The following PHC2 variants were observed in gnomAD, a reference collection of about 807,000 sequenced individuals.
PHC2 encodes the protein polyhomeotic homolog 2.
Under a neutral mutation model 87.4 loss-of-function variants are expected in PHC2, and 29 were observed. The ratio of observed to expected loss-of-function variants is 0.33; its 90% confidence interval spans 0.25 to 0.45. The LOEUF (loss-of-function observed/expected upper bound fraction) is 0.45. PHC2 is among the 20% of genes least tolerant of loss of function. The probability of loss-of-function intolerance (pLI) is 1.00; values close to 1 mark genes in which losing one functional copy is unlikely to be tolerated. For missense variants in PHC2, 857 were observed against 1,136.7 expected, an observed-to-expected ratio of 0.75 and a Z score of 3.54; for synonymous variants, 438 against 461.7, an observed-to-expected ratio of 0.95 and a Z score of 0.66.
At chr1:33,352,901 G>A (rs149640465) in intron 9 of PHC2, among the ~76,000 whole-genome samples, 42 of 152,282 alleles carry the variant, frequency 2.8e-4, no homozygotes, top group African/African-American at 9.4e-4. Flanking sequence ...ATAATGGGGC[G>A]ATTCTACTTA....
At chr1:33,363,551 A>AG (rs1453285553) in intron 7 of PHC2, among the ~76,000 whole-genome samples, 1 of 152,192 alleles carries the variant, frequency 6.6e-6, no homozygotes, top group African/African-American at 2.4e-5. Context: ...GTTCAAACAA[A>AG]GCAGCTGTGT....
rs116818513 is a variant in PHC2, at chr1:33,342,525, C to A, written c.1559-8233G>T. Among the ~76,000 whole-genome samples, 38 of 146,944 alleles carry A rather than the reference C, an allele frequency of 2.6e-4. No individual in the cohort carries two copies. The East Asian group carries it at 4.7e-3, about 18-fold the overall frequency. ...ATGGAGCGAACAGCCACCCTCCCCC[C>A]ACCCCATGCAGTTCAGGACAACGGG... On this transcript the variant is annotated intron_variant, in intron 9 of 14. Coordinates refer to ENST00000683057, the MANE Select transcript of PHC2 (RefSeq NM_001385109.1).
intron 1 of PHC2, among the ~76,000 whole-genome samples, chr1:33,380,286 C>A (rs1414105777): frequency 1.3e-5 from 2 of 152,198 alleles, no homozygotes; most frequent in African/African-American, 4.8e-5. Flanking sequence ...TTTCTCATTA[C>A]CCAAAACAGA....
intron 1 of PHC2, among the ~76,000 whole-genome samples, chr1:33,409,180 T>G (rs1192300902): frequency 6.6e-6 from 1 of 152,198 alleles, no homozygotes; most frequent in African/African-American, 2.4e-5. Flanking sequence ...AACCCAGTAA[T>G]TCCATGTTTA....
At chr1:33,335,085 TC>T (rs1377239518) in intron 9 of PHC2, 2 of 504,254 alleles carry the variant, frequency 4.0e-6, no homozygotes, top group African/African-American at 4.2e-5. Flanking sequence ...GGACAACCTT[TC>T]CTAATTCTCC....
intron 1 of PHC2, among the ~76,000 whole-genome samples, chr1:33,389,201 C>T (rs1334749226): frequency 1.3e-5 from 2 of 152,010 alleles, no homozygotes; most frequent in East Asian, 1.9e-4. Flanking sequence ...GCGAAAGAGA[C>T]GAAGCTAGTT....
chr1:33,370,846 C>G (rs1043619003), intron 4 of PHC2, among the ~76,000 whole-genome samples, 171 bp downstream of exon 4: 2 of 152,062 alleles, frequency 1.3e-5, no homozygotes, highest in Non-Finnish European at 2.9e-5. Context: ...CAGGGAGTTA[C>G]TAACCTAAAG....
chr1:33,362,505 G>A (rs1206352970), intron 7 of PHC2, among the ~76,000 whole-genome samples: 1 of 152,190 alleles, frequency 6.6e-6, no homozygotes, highest in Non-Finnish European at 1.5e-5. Context: ...GACAGGGATG[G>A]ATGTGTATTA....
intron 1 of PHC2, among the ~76,000 whole-genome samples, chr1:33,383,587 G>A (rs979996787): frequency 3.9e-5 from 6 of 152,220 alleles, no homozygotes; most frequent in Admixed American, 3.9e-4. Context: ...AGAAGGATTT[G>A]CTGTCTTTTG....
chr1:33,330,283 A>G lies in PHC2; in HGVS notation c.2007-71T>C. The G allele has an allele frequency of 1.9e-6, 3 of 1,552,304 alleles. No homozygotes were observed. The South Asian group carries it at 3.4e-5, about 17-fold the overall frequency. ...TATGGGCCGTAGGCAGAATGAGCAC[A>G]GCCAAGCTGTCTGACAAATTTTGAG... On this transcript the variant is annotated intron_variant, in intron 12 of 14. Transcript: ENST00000683057.
intron 1 of PHC2, among the ~76,000 whole-genome samples, chr1:33,412,404 G>A (rs1650019238): frequency 6.6e-6 from 1 of 152,150 alleles, no homozygotes; most frequent in Admixed American, 6.5e-5. Flanking sequence ...ACACACACAC[G>A]TGCGTGCGCG....
intron 1 of PHC2, among the ~76,000 whole-genome samples, 166 bp downstream of exon 1, chr1:33,430,810 C>T (rs1355359358): frequency 6.7e-6 from 1 of 150,254 alleles, no homozygotes; most frequent in Non-Finnish European, 1.5e-5. Flanking sequence ...CTGTCCGTGC[C>T]CATGGCAATG....
Position 33,355,143 on chromosome 1 carries a change from G to A in PHC2, c.1087C>T (p.Pro363Ser). ...TGGAGCACAGGCCGTGACTGCTGGG[G>A]CGGCGGCTGCTGCTGTTGTGGCTGT... ...QPQPQQQQPP[P>S]QQSRPVLQAE... The change falls in exon 8 of 15, where the codon CCC becomes TCC. Residue 363 changes from proline to serine, a missense_variant. Transcript: ENST00000683057. 6.2e-7 allele frequency: 1 copy of A among 1,611,254 alleles called. No individual in the cohort carries two copies. Among genetic ancestry groups the A allele is most frequent in the South Asian group, 1.1e-5 (1 of 90,872 alleles).
Position 33,332,155 on chromosome 1 carries a change from G to A in PHC2, c.1891+120C>T, listed in dbSNP as rs1646513994. 1 of 1,121,434 alleles carries A rather than the reference G, an allele frequency of 8.9e-7. No individual in the cohort carries two copies. Among genetic ancestry groups the A allele is most frequent in the Non-Finnish European group, 1.3e-6 (1 of 768,394 alleles). 69.5% of individuals were successfully genotyped at this position (1,121,434 alleles called of 1,614,324 possible). ...GAAGGAGGCTGAGGAGGTGCTGGGG[G>A]AAATGTTTACAGACTCGCTGGCTCA... On this transcript the variant is annotated intron_variant, in intron 11 of 14. Transcript: ENST00000683057. The surrounding 1 kb of genome is among the most constrained non-coding windows in gnomAD (Gnocchi z 4.2).
chr1:33,367,044 G>T, intron 7 of PHC2, 72 bp downstream of exon 7: 1 of 1,303,498 alleles, frequency 7.7e-7, no homozygotes, highest in Non-Finnish European at 1.1e-6. Context: ...AAAAAGGAAA[G>T]TGTGAAAGTC....
At chr1:33,400,743 G>A (rs1464760052) in intron 1 of PHC2, among the ~76,000 whole-genome samples, 2 of 152,108 alleles carry the variant, frequency 1.3e-5, no homozygotes, top group East Asian at 3.9e-4. Context: ...ATACTCTGAA[G>A]CAGTTAAAAT....
chr1:33,346,922 A>G (rs555011646), intron 9 of PHC2: 1 of 985,404 alleles, frequency 1.0e-6, no homozygotes, highest in Admixed American at 6.1e-5. Context: ...TTTTCCTTAA[A>G]TAAGAAAATG....
In PHC2 at chr1:33,408,289, C is replaced by T. The variant is rs914178324; in HGVS notation, c.-55+22687G>A. On this transcript the variant is annotated intron_variant, in intron 1 of 14. Transcript: ENST00000683057. ...AGCAAAAAGAATAACATATTTAAAT[C>T]ATCAACCAATAAGAAAATAGTTTGA... Among the ~76,000 whole-genome samples the T allele has an allele frequency of 3.9e-5, 6 of 152,286 alleles. 1 individual carries two copies. The highest frequency in any genetic ancestry group is 6.8e-3 in the Middle Eastern group (2 of 294).
intron 1 of PHC2, among the ~76,000 whole-genome samples, chr1:33,420,309 T>C (rs1483695522): frequency 6.6e-6 from 1 of 152,202 alleles, no homozygotes; most frequent in Non-Finnish European, 1.5e-5. Context: ...TATACAATTA[T>C]GAAACTGATC....
Sources: allele counts gnomAD v4.1 joint callset (sites outside exome capture counted in the v4.1 genomes callset), GRCh38; gene constraint gnomAD v4.1.1; non-coding constraint Gnocchi (gnomAD v3.1); transcripts MANE v1.5; gene names NCBI Gene and HGNC (gene_info 2026-07-23, HGNC 2026-07-21).